The following MARCHF4 variants were observed in gnomAD, a reference collection of about 807,000 sequenced individuals.
MARCHF4 encodes the protein E3 ubiquitin-protein ligase MARCHF4.
A neutral mutation model predicts 43.9 loss-of-function variants in MARCHF4; 14 were observed. The ratio of observed to expected loss-of-function variants is 0.32; its 90% CI spans 0.21 to 0.50. The LOEUF (loss-of-function observed/expected upper bound fraction) is 0.50. Among genes scored for constraint, MARCHF4 ranks in the 20% least tolerant of loss-of-function variants. The probability of loss-of-function intolerance (pLI) is 0.98; values close to 1 mark genes in which losing one functional copy is unlikely to be tolerated. For synonymous variants in MARCHF4, 226 were observed against 213.3 expected, an observed-to-expected ratio of 1.06 and a Z score of -0.52; for missense variants, 468 against 536.7, an observed-to-expected ratio of 0.87 and a Z score of 1.27.
rs1236266914 is a variant in MARCHF4 at position 216,259,550 on chromosome 2, G to T, written c.995C>A (p.Thr332Asn). The T allele has an allele frequency of 1.2e-6, 2 of 1,614,068 alleles. No homozygotes were observed. Among genetic ancestry groups the T allele is most frequent in the Non-Finnish European group, 1.7e-6 (2 of 1,180,032 alleles). The change falls in exon 4 of 4, where the codon ACC (threonine) becomes AAC (asparagine). Residue 332 changes from threonine (T) to asparagine (N), a missense_variant. Thr to Asn is a moderately conservative substitution (Grantham distance 65, BLOSUM62 0). Coordinates refer to ENST00000273067, the MANE Select transcript of MARCHF4 (RefSeq NM_020814.3). ...DLEDQKAGGR[T>N]NPRTSSSTQA... ...GGTGGATGAGGAGGTCCGGGGGTTG[G>T]TCCTGCCTCCTGCCTTTTGATCCTC...
At chr2:216,338,609 G>A (rs758532844) in intron 1 of MARCHF4, among the ~76,000 whole-genome samples, 31 of 151,980 alleles carry the variant, frequency 2.0e-4, no homozygotes, top group Admixed American at 8.5e-4. Flanking sequence ...TCTCTGCTCC[G>A]CCTCAGCCTC....
At chr2:216,328,367 A>C (rs1275356416) in intron 1 of MARCHF4, among the ~76,000 whole-genome samples, 1 of 152,176 alleles carries the variant, frequency 6.6e-6, no homozygotes, top group East Asian at 1.9e-4. Flanking sequence ...GGGTTTCACC[A>C]TGTTGGCCAG....
intron 1 of MARCHF4, among the ~76,000 whole-genome samples, chr2:216,365,684 C>T (rs1416199570): frequency 2.0e-5 from 3 of 152,202 alleles, no homozygotes; most frequent in Non-Finnish European, 4.4e-5. Flanking sequence ...GTGGCAAATT[C>T]CCCGACTTGT....
chr2:216,306,577 T>C (rs374299838), intron 1 of MARCHF4, among the ~76,000 whole-genome samples: 14 of 152,228 alleles, frequency 9.2e-5, no homozygotes, highest in South Asian at 2.1e-4. Flanking sequence ...TTTTATCTTA[T>C]ATTGAATACT....
At chr2:216,333,376 AAATTTATGAAAAAGTGTTC>A (rs1353899466) in intron 1 of MARCHF4, among the ~76,000 whole-genome samples, 1 of 152,268 alleles carries the variant, frequency 6.6e-6, no homozygotes, top group Non-Finnish European at 1.5e-5. Context: ...AAGGGCGAAT[AAATTTATGAAAAAGTGTTC>A]AGTTTCAGTG....
chr2:216,300,468 C>T (rs1394109565), intron 1 of MARCHF4, among the ~76,000 whole-genome samples: 1 of 151,704 alleles, frequency 6.6e-6, no homozygotes, highest in Admixed American at 6.6e-5. Flanking sequence ...CTCAGCCTCC[C>T]AGGTAGCTGG....
At chr2:216,327,017 G>T (rs1351905224) in intron 1 of MARCHF4, among the ~76,000 whole-genome samples, 1 of 152,090 alleles carries the variant, frequency 6.6e-6, no homozygotes, top group Non-Finnish European at 1.5e-5. Flanking sequence ...TACCGTATAA[G>T]TTACTGTGAG....
At chr2:216,367,836 T>C (rs1412170199) in intron 1 of MARCHF4, among the ~76,000 whole-genome samples, 1 of 152,220 alleles carries the variant, frequency 6.6e-6, no homozygotes, top group Non-Finnish European at 1.5e-5. Flanking sequence ...TTCAATAAAA[T>C]ACAGCTTTCT....
chr2:216,283,409 T>C (rs759078651), intron 2 of MARCHF4, among the ~76,000 whole-genome samples, 165 bp downstream of exon 2: 12 of 152,090 alleles, frequency 7.9e-5, no homozygotes, highest in Non-Finnish European at 1.5e-4. Flanking sequence ...CAAATGTCCT[T>C]TCATCCCCTC....
At chr2:216,349,305 C>G (rs1692364037) in intron 1 of MARCHF4, among the ~76,000 whole-genome samples, 2 of 152,296 alleles carry the variant, frequency 1.3e-5, no homozygotes, top group South Asian at 4.1e-4. Flanking sequence ...AAAACAAAAA[C>G]AAGTTTTTCT....
intron 1 of MARCHF4, among the ~76,000 whole-genome samples, chr2:216,364,184 C>A (rs1158569360): frequency 1.3e-5 from 2 of 152,152 alleles, no homozygotes; most frequent in Non-Finnish European, 2.9e-5. Context: ...GCAGAGCACA[C>A]CTTTGGCATT....
chr2:216,302,385 ATTT>A (rs371839329), intron 1 of MARCHF4, among the ~76,000 whole-genome samples: 51 of 139,812 alleles, frequency 3.6e-4, no homozygotes, highest in Non-Finnish European at 4.9e-4. Flanking sequence ...CGCCCATCTA[ATTT>A]TTTTTTTTTT....
chr2:216,361,975 C>T (rs960985220), intron 1 of MARCHF4, among the ~76,000 whole-genome samples: 10 of 152,130 alleles, frequency 6.6e-5, no homozygotes, highest in African/African-American at 2.4e-4. Flanking sequence ...AGTATTTTAT[C>T]TCTGTTTTAT....
rs559498577 is a variant in MARCHF4, at chr2:216,370,307, A to G, written c.-47T>C. 6.6e-7 allele frequency: 1 copy of G among 1,509,896 alleles called. No individual in the cohort carries two copies. Among genetic ancestry groups the G allele is most frequent in the African/African-American group, 1.4e-5 (1 of 72,104 alleles). 93.5% of individuals were successfully genotyped at this position (1,509,896 alleles called of 1,614,324 possible). A position where few individuals can be genotyped will look rare whatever the true frequency, so the allele number is the denominator to read the frequency against. ...CCCAAGAGGGGTGGCTGGAGTCTTA[A>G]AAGAGGGGGACAGGACAGGTTTTGG... On this transcript the variant is annotated 5_prime_UTR_variant, in exon 1 of 4. Transcript: ENST00000273067.
intron 1 of MARCHF4, among the ~76,000 whole-genome samples, chr2:216,345,856 G>A (rs1390998165): frequency 2.0e-5 from 3 of 152,168 alleles, no homozygotes; most frequent in Non-Finnish European, 2.9e-5. Flanking sequence ...CTATGCTAGA[G>A]AACTAACCTC....
At chr2:216,321,951 C>T (rs1691902567) in intron 1 of MARCHF4, among the ~76,000 whole-genome samples, 1 of 152,208 alleles carries the variant, frequency 6.6e-6, no homozygotes, top group Non-Finnish European at 1.5e-5. Flanking sequence ...ACCAGCTACT[C>T]TTCTCCAATG....
chr2:216,360,032 A>C (rs1449418371), intron 1 of MARCHF4, among the ~76,000 whole-genome samples: 1 of 152,014 alleles, frequency 6.6e-6, no homozygotes, highest in Non-Finnish European at 1.5e-5. Context: ...CTACTAATAC[A>C]CGGTATTCCT....
intron 1 of MARCHF4, among the ~76,000 whole-genome samples, chr2:216,328,101 C>A (rs918995074): frequency 2.0e-5 from 3 of 152,126 alleles, no homozygotes; most frequent in Non-Finnish European, 4.4e-5. Context: ...ACATCTACTA[C>A]CTCATTTAAT....
chr2:216,361,980 T>C (rs549995516), intron 1 of MARCHF4, among the ~76,000 whole-genome samples: 1 of 152,316 alleles, frequency 6.6e-6, no homozygotes, highest in South Asian at 2.1e-4. Flanking sequence ...TTTATCTCTG[T>C]TTTATAAACA....
Sources: gnomAD v4.1 joint callset for allele counts (sites outside exome capture counted in the v4.1 genomes callset) on GRCh38, gnomAD v4.1.1 for gene constraint, MANE v1.5 for transcripts, NCBI Gene and HGNC (gene_info 2026-07-23, HGNC 2026-07-21) for gene names.